The following GLYATL3 variants were observed in gnomAD, a reference collection of about 807,000 sequenced individuals.
The protein encoded by GLYATL3 is glycine N-acyltransferase-like protein 3.
GLYATL3 carries 31 observed loss-of-function variants against 28.5 expected under a neutral mutation model. The observed-to-expected ratio is 1.09, with a 90% CI of 0.82 to 1.47. The LOEUF (loss-of-function observed/expected upper bound fraction) is 1.47, where lower values mean the gene tolerates loss of function less well. Ranked by LOEUF, GLYATL3 falls within the 40% of genes most tolerant of loss-of-function variation. The pLI is 0.00. For missense variants in GLYATL3, 369 were observed against 351.5 expected, an observed-to-expected ratio of 1.05 and a Z score of -0.40; for synonymous variants, 141 against 140.2, an observed-to-expected ratio of 1.01 and a Z score of -0.04.
At chr6:49,526,283 G>A (rs545134486) in intron 5 of GLYATL3, among the ~76,000 whole-genome samples, 1 of 152,112 alleles carries the variant, frequency 6.6e-6, no homozygotes, top group African/African-American at 2.4e-5. Context: ...GATGGTGACG[G>A]GTGCCTGTAA....
At chr6:49,517,226 A>G (rs573537407) in intron 3 of GLYATL3, among the ~76,000 whole-genome samples, 1 of 152,062 alleles carries the variant, frequency 6.6e-6, no homozygotes, top group East Asian at 1.9e-4. Context: ...GAAAGAATCA[A>G]GCAAAAGCTA....
In GLYATL3 at chr6:49,527,150, T is replaced by C; in HGVS notation, c.*236T>C. ...GGCTGAAGACTGAGGACGATTGTCC[T>C]CCTGTAGGATCCACTGTAGGAGAAT... On this transcript the variant is annotated 3_prime_UTR_variant, in exon 6 of 6. Transcript: ENST00000371197. 1 of 481,646 alleles carries C rather than the reference T, an allele frequency of 2.1e-6. No homozygotes were observed. Among genetic ancestry groups the C allele is most frequent in the Non-Finnish European group, 3.7e-6 (1 of 272,548 alleles). 29.8% of individuals were successfully genotyped at this position (481,646 alleles called of 1,614,324 possible). A position where few individuals can be genotyped will look rare whatever the true frequency, so the allele number is the denominator to read the frequency against.
chr6:49,507,098 C>T (rs968106454), intron 1 of GLYATL3, among the ~76,000 whole-genome samples: 1 of 152,090 alleles, frequency 6.6e-6, no homozygotes, highest in African/African-American at 2.4e-5. Context: ...GGATCATCAT[C>T]AGGTTCCTTC....
At chr6:49,520,968 A>G (rs187194961) in intron 4 of GLYATL3, among the ~76,000 whole-genome samples, 1 of 152,340 alleles carries the variant, frequency 6.6e-6, no homozygotes, top group Admixed American at 6.5e-5. Context: ...GTAAGCTATG[A>G]TCATTCCACT....
chr6:49,522,965 T>C (rs888109457), intron 5 of GLYATL3, among the ~76,000 whole-genome samples: 4 of 152,038 alleles, frequency 2.6e-5, no homozygotes, highest in Non-Finnish European at 2.9e-5. Context: ...TATTTTAATA[T>C]GTAACTCTAA....
At chr6:49,514,963 G>A (rs1382262161) in intron 2 of GLYATL3, among the ~76,000 whole-genome samples, 1 of 152,008 alleles carries the variant, frequency 6.6e-6, no homozygotes, top group Non-Finnish European at 1.5e-5. Flanking sequence ...AAATGTGAAA[G>A]GCCACAGAAA....
At chr6:49,512,626 A>G (rs9463493) in intron 2 of GLYATL3, among the ~76,000 whole-genome samples, 93,949 of 151,992 alleles carry the variant, frequency 0.62, 30,993 homozygotes, top group Non-Finnish European at 0.76. Flanking sequence ...TAAAATAATA[A>G]AACTGAGGTT....
chr6:49,509,948 C>CTTCCTTCCTTTCTT (rs68151540), intron 1 of GLYATL3, among the ~76,000 whole-genome samples: 3 of 100,260 alleles, frequency 3.0e-5, no homozygotes, highest in East Asian at 4.9e-4. Context: ...TATTTTCTTT[C>CTTCCTTCCTTTCTT]TCTTTCTTTC....
chr6:49,502,805 A>G (rs1156879887), intron 1 of GLYATL3, among the ~76,000 whole-genome samples: 2 of 152,150 alleles, frequency 1.3e-5, no homozygotes, highest in Non-Finnish European at 2.9e-5. Context: ...TACTCCTTTT[A>G]ATAATTTTCT....
intron 3 of GLYATL3, 95 bp from the exon 4 acceptor site, chr6:49,517,335 G>T: frequency 9.1e-7 from 1 of 1,093,788 alleles, no homozygotes; most frequent in East Asian, 2.9e-5. Context: ...ATAAAAATTA[G>T]CTAGACATGT....
At chr6:49,511,870 T>C in intron 1 of GLYATL3, 93 bp from the exon 2 acceptor site, 1 of 537,130 alleles carries the variant, frequency 1.9e-6, no homozygotes, top group Non-Finnish European at 3.3e-6. Context: ...GTCAGAATTA[T>C]ACCCAATGAA....
chr6:49,521,667 T>A lies in GLYATL3; in HGVS notation c.336T>A (p.Asp112Glu). 1 of 1,551,064 alleles carries A rather than the reference T, an allele frequency of 6.4e-7. No individual in the cohort carries two copies. The highest frequency in any genetic ancestry group is 8.7e-7 in the Non-Finnish European group (1 of 1,146,426). Residue 112 changes from aspartate (D) to glutamate (E), a missense_variant, in exon 5 of 6, where the codon GAT becomes GAA. Asp to Glu is a conservative substitution (Grantham distance 45, BLOSUM62 2). Transcript: ENST00000371197. ...QIQGLQSELYDVSKAVANSKQ... is the reference protein window; with the variant it reads ...QIQGLQSELYEVSKAVANSKQ... ...CAGGGCTGCAGAGTGAGTTATATGATGTTTCCAAAGCGGTTGCCAATTCAA... is the reference window on the plus strand; with the variant it reads ...CAGGGCTGCAGAGTGAGTTATATGAAGTTTCCAAAGCGGTTGCCAATTCAA...
At chr6:49,513,542 T>G (rs1455388848) in intron 2 of GLYATL3, among the ~76,000 whole-genome samples, 1 of 152,194 alleles carries the variant, frequency 6.6e-6, no homozygotes, top group Non-Finnish European at 1.5e-5. Flanking sequence ...AATGTATAGT[T>G]TCCTCATGTG....
chr6:49,522,509 T>C (rs576225302), intron 5 of GLYATL3, among the ~76,000 whole-genome samples: 51 of 152,292 alleles, frequency 3.3e-4, no homozygotes, highest in Non-Finnish European at 6.0e-4. Flanking sequence ...AATCAACAAA[T>C]AATAATTGTA....
At chr6:49,504,455 C>G (rs1203414115) in intron 1 of GLYATL3, among the ~76,000 whole-genome samples, 2 of 152,094 alleles carry the variant, frequency 1.3e-5, no homozygotes, top group African/African-American at 4.8e-5. Context: ...TTAGATTGAA[C>G]ATCTTTCCAC....
chr6:49,516,987 C>T (rs1769227462), intron 3 of GLYATL3, among the ~76,000 whole-genome samples: 2 of 151,114 alleles, frequency 1.3e-5, no homozygotes, highest in African/African-American at 4.9e-5. Flanking sequence ...GAAACCCCAT[C>T]TCTACTAAAA....
At chr6:49,506,553 C>T (rs896514092) in intron 1 of GLYATL3, among the ~76,000 whole-genome samples, 2 of 152,168 alleles carry the variant, frequency 1.3e-5, no homozygotes, top group East Asian at 1.9e-4. Context: ...TAATTAAAGG[C>T]CATTCCTTAG....
chr6:49,512,263 T>A (rs1237625331), intron 2 of GLYATL3, among the ~76,000 whole-genome samples, 195 bp downstream of exon 2: 1 of 126,120 alleles, frequency 7.9e-6, no homozygotes, highest in African/African-American at 3.3e-5. Flanking sequence ...GAATTACACT[T>A]TTCTTTTTTT....
At chr6:49,519,350 A>G (rs890277525) in intron 4 of GLYATL3, among the ~76,000 whole-genome samples, 7 of 152,226 alleles carry the variant, frequency 4.6e-5, no homozygotes, top group African/African-American at 1.4e-4. Context: ...GTGAATTAGT[A>G]TCACCTAATA....
Sources: allele counts gnomAD v4.1 joint callset (sites outside exome capture counted in the v4.1 genomes callset), GRCh38; gene constraint gnomAD v4.1.1; transcripts MANE v1.5; gene names NCBI Gene and HGNC (gene_info 2026-07-23, HGNC 2026-07-21).